The following KAZN variants were observed in gnomAD, a reference collection of about 807,000 sequenced individuals.
KAZN encodes the protein kazrin.
Under a neutral mutation model 87.4 loss-of-function variants are expected in KAZN, and 40 were observed. The observed-to-expected ratio is 0.46, with a 90% CI of 0.36 to 0.60. KAZN has a LOEUF of 0.60. Among genes scored for constraint, KAZN ranks in the 20% least tolerant of loss-of-function variants. The pLI is 0.00. For synonymous variants in KAZN, 466 were observed against 458.3 expected, an observed-to-expected ratio of 1.02 and a Z score of -0.22; for missense variants, 898 against 1,073.9, an observed-to-expected ratio of 0.84 and a Z score of 2.29.
chr1:14,659,212 A>T (rs1638998942), intron 1 of KAZN, among the ~76,000 whole-genome samples: 1 of 152,174 alleles, frequency 6.6e-6, no homozygotes, highest in Non-Finnish European at 1.5e-5. Flanking sequence ...TGTGTGACAG[A>T]TCAAGACTCT....
At chr1:14,772,371 C>T (rs924984802) in intron 1 of KAZN, among the ~76,000 whole-genome samples, 1 of 152,110 alleles carries the variant, frequency 6.6e-6, no homozygotes, top group African/African-American at 2.4e-5. Flanking sequence ...GTGGTCCCAG[C>T]TCCTCAGGAG....
chr1:14,629,143 G>C (rs151031444), intron 1 of KAZN, among the ~76,000 whole-genome samples: 2 of 152,094 alleles, frequency 1.3e-5, no homozygotes, highest in African/African-American at 4.8e-5. Flanking sequence ...CACCATACCC[G>C]GCCTCACATT....
At chr1:14,902,239 T>G (rs1656007498) in intron 1 of KAZN, among the ~76,000 whole-genome samples, 1 of 151,946 alleles carries the variant, frequency 6.6e-6, no homozygotes, top group Admixed American at 6.6e-5. Flanking sequence ...TTTTTTTTTT[T>G]TTTTAAGATG....
chr1:13,997,791 A>G (rs1445072946), intron 1 of KAZN, among the ~76,000 whole-genome samples: 1 of 152,192 alleles, frequency 6.6e-6, no homozygotes, highest in Non-Finnish European at 1.5e-5. Flanking sequence ...GCTAGAAAAC[A>G]TATTTCAGGA....
In KAZN at chr1:14,845,911, C is replaced by T. The variant is rs143818516; in HGVS notation, c.227-114773C>T. The stretch of plus-strand genomic sequence containing the variant: ...TGTTGGGTGAAGGCATCCTAGACTG[C>T]GTGCAACCTAAAGAAGGTTTGACAA... On this transcript the variant is annotated intron_variant, in intron 1 of 14. Coordinates refer to ENST00000376030, the MANE Select transcript of KAZN (RefSeq NM_201628.3). 9.2e-5 allele frequency among the ~76,000 whole-genome samples: 14 copies of T among 152,190 alleles called. 1 individual carries two copies. Among genetic ancestry groups the T allele is most frequent in the African/African-American group, 2.6e-4 (11 of 41,516 alleles).
rs1641396234 is a variant in KAZN, at chr1:13,952,640, G to T, written c.91+58884G>T. Among the ~76,000 whole-genome samples the T allele has an allele frequency of 2.5e-5, 2 of 78,938 alleles. 1 individual carries two copies. The highest frequency in any genetic ancestry group is 1.5e-3 in the South Asian group (2 of 1,332). The allele number at this position is 78,938 out of a possible 152,430, so 51.8% of individuals were successfully genotyped here. ...GCAGCAAGCTGGGGCAGGGTCTTCT[G>T]GGAACTGTTATAAACCCCCGATCGC... On this transcript the variant is annotated intron_variant, in intron 1 of 16. Transcript: ENST00000636203.
intron 4 of KAZN, among the ~76,000 whole-genome samples, chr1:15,050,159 GGAATAGAATAGAATAGAATAGAATAGA>G (rs1436803761): frequency 0.019 from 2,534 of 131,326 alleles, 44 homozygotes; most frequent in East Asian, 0.047. Context: ...AGAATAGAAT[GGAATAGAATAGAATAGAATAGAATAGA>G]ATAGAATAGA....
At chr1:14,207,648 C>T (rs1309988981) in intron 2 of KAZN, among the ~76,000 whole-genome samples, 2 of 151,858 alleles carry the variant, frequency 1.3e-5, no homozygotes, top group African/African-American at 4.8e-5. Flanking sequence ...TTTTTGGCAC[C>T]CCTTTAAATT....
chr1:14,733,907 C>A (rs1387929825), intron 1 of KAZN, among the ~76,000 whole-genome samples: 1 of 152,190 alleles, frequency 6.6e-6, no homozygotes. Context: ...CAGCCCACGC[C>A]CCAGCCAGTC....
chr1:14,713,785 A>AG (rs1642617443), intron 1 of KAZN, among the ~76,000 whole-genome samples: 1 of 116,572 alleles, frequency 8.6e-6, no homozygotes, highest in African/African-American at 3.3e-5. Context: ...CAAAAAAAAA[A>AG]AAAAAAAAAA....
chr1:14,641,566 C>G lies in KAZN; in HGVS notation c.226+42343C>G, dbSNP rs1680411339. Among the ~76,000 whole-genome samples, 3 of 152,158 alleles carry G rather than the reference C, an allele frequency of 2.0e-5. No individual in the cohort carries two copies. In the South Asian group the frequency reaches 6.2e-4, roughly 32 times the overall value. On this transcript the variant is annotated intron_variant, in intron 1 of 14. Transcript: ENST00000376030. ...TCTGTGCCTCAAGGTGGTGCTCCAG[C>G]TGTCACCACCCCACCCCCAAAAACA... is the stretch of plus-strand genomic sequence containing the variant.
At chr1:14,985,904 G>A (rs1262978213) in intron 2 of KAZN, among the ~76,000 whole-genome samples, 2 of 150,692 alleles carry the variant, frequency 1.3e-5, no homozygotes, top group African/African-American at 4.9e-5. Context: ...TCACGAGGCT[G>A]AGGCCGGAAA....
intron 1 of KAZN, among the ~76,000 whole-genome samples, chr1:14,056,378 G>T (rs1010132836): frequency 6.6e-6 from 1 of 152,212 alleles, no homozygotes; most frequent in African/African-American, 2.4e-5. Context: ...GATGGAAGCA[G>T]AGCTTGGAGG....
chr1:14,334,946 CAGAGAGTG>C (rs1225871710), intron 2 of KAZN, among the ~76,000 whole-genome samples: 2 of 151,966 alleles, frequency 1.3e-5, no homozygotes, highest in African/African-American at 2.4e-5. Context: ...GACACAGAGA[CAGAGAGTG>C]AGAGAGTGAC....
upstream of KAZN, among the ~76,000 whole-genome samples, chr1:14,598,508 G>A (rs1676659965): frequency 2.0e-5 from 3 of 152,046 alleles, no homozygotes; most frequent in South Asian, 6.2e-4. This position sits in a 1 kb window ranked among gnomAD's most constrained non-coding sequence, Gnocchi z 4.2. Flanking sequence ...CGCCAGGGGC[G>A]CCACCTTGGC....
At chr1:14,779,911 G>T (rs2100639182) in intron 1 of KAZN, among the ~76,000 whole-genome samples, 1 of 152,312 alleles carries the variant, frequency 6.6e-6, no homozygotes, top group African/African-American at 2.4e-5. Flanking sequence ...ATTCTCTCGT[G>T]CATTGCTGAT....
rs1366241197 is a variant in KAZN, at chr1:14,184,400, C to T, written c.249+3808C>T. 6.6e-6 allele frequency among the ~76,000 whole-genome samples: 1 copy of T among 152,158 alleles called. No homozygotes were observed. Among genetic ancestry groups the T allele is most frequent in the Non-Finnish European group, 1.5e-5 (1 of 68,028 alleles). On this transcript the variant is annotated intron_variant, in intron 2 of 16. Transcript: ENST00000636203. The surrounding 1 kb of genome is among the most constrained non-coding windows in gnomAD (Gnocchi z 4.2). Reference sequence around the variant, plus strand: ...CATTCTGCATTTTTCACTTCCTTCTCTTCCTTCCCTTTCCTGTTCTTTCCT... The same window carrying T: ...CATTCTGCATTTTTCACTTCCTTCTTTTCCTTCCCTTTCCTGTTCTTTCCT...
At chr1:14,980,549 C>A (rs1356172071) in intron 2 of KAZN, among the ~76,000 whole-genome samples, 2 of 152,190 alleles carry the variant, frequency 1.3e-5, no homozygotes, top group Non-Finnish European at 1.5e-5. Context: ...TCCATCTGCA[C>A]CCCGACTCCT....
At chr1:14,325,067 G>A (rs749531124) in intron 2 of KAZN, among the ~76,000 whole-genome samples, 23 of 152,194 alleles carry the variant, frequency 1.5e-4, no homozygotes. Context: ...GCGGGGGAAC[G>A]AGGACTTGCA....
Sources: gnomAD v4.1 joint callset for allele counts (sites outside exome capture counted in the v4.1 genomes callset) on GRCh38, gnomAD v4.1.1 for gene constraint, Gnocchi (gnomAD v3.1) non-coding constraint, MANE v1.5 for transcripts, NCBI Gene and HGNC (gene_info 2026-07-23, HGNC 2026-07-21) for gene names.